Variants in GPD2 observed in about 807,000 individuals in gnomAD.
GPD2 encodes the protein glycerol-3-phosphate dehydrogenase, mitochondrial.
A neutral mutation model predicts 82.4 loss-of-function variants in GPD2; 54 were observed. The observed-to-expected ratio is 0.66, with a 90% CI of 0.53 to 0.82. GPD2 has a LOEUF of 0.82. Ranked by LOEUF, GPD2 falls within the 40% of genes least tolerant of loss-of-function variation. The pLI is 0.00. For synonymous variants in GPD2, 288 were observed against 306.1 expected, an observed-to-expected ratio of 0.94 and a Z score of 0.62; for missense variants, 748 against 896.2, an observed-to-expected ratio of 0.83 and a Z score of 2.11.
the GPD2 span, among the ~76,000 whole-genome samples, chr2:156,403,541 A>G: frequency 2.0e-5 from 3 of 152,086 alleles, no homozygotes; most frequent in Non-Finnish European, 2.9e-5. Flanking sequence ...GGTTAGGTAA[A>G]TTAAAGAACT....
At chr2:156,543,326 T>C (rs914046847) in intron 6 of GPD2, among the ~76,000 whole-genome samples, 3 of 152,312 alleles carry the variant, frequency 2.0e-5, no homozygotes, top group East Asian at 1.9e-4. Context: ...TCATTCATAT[T>C]TGAATATCTG....
intron 6 of GPD2, among the ~76,000 whole-genome samples, chr2:156,540,540 A>G (rs1686268388): frequency 6.6e-6 from 1 of 152,210 alleles, no homozygotes; most frequent in South Asian, 2.1e-4. Flanking sequence ...TTTACTGGCT[A>G]TTTAAGAGGT....
At chr2:156,401,146 T>C in the GPD2 span, among the ~76,000 whole-genome samples, 2 of 152,318 alleles carry the variant, frequency 1.3e-5, no homozygotes, top group East Asian at 1.9e-4. Context: ...AAGTCAAAAC[T>C]TGCATTGGCC....
At chr2:156,500,959 G>C (rs1352641769) in intron 3 of GPD2, among the ~76,000 whole-genome samples, 3 of 152,190 alleles carry the variant, frequency 2.0e-5, no homozygotes, top group Non-Finnish European at 4.4e-5. Flanking sequence ...ACAGAAGCAT[G>C]TCCCAAAAGC....
the GPD2 span, among the ~76,000 whole-genome samples, chr2:156,425,046 C>G: frequency 6.6e-6 from 1 of 151,832 alleles, no homozygotes; most frequent in Non-Finnish European, 1.5e-5. Context: ...AGTTCATATT[C>G]AAATTTCCCC....
chr2:156,548,829 G>A (rs1262956304), intron 6 of GPD2, among the ~76,000 whole-genome samples: 1 of 152,084 alleles, frequency 6.6e-6, no homozygotes, highest in Non-Finnish European at 1.5e-5. Context: ...GCAATGTAGA[G>A]TAATTCTTCC....
intron 6 of GPD2, among the ~76,000 whole-genome samples, chr2:156,548,780 G>A (rs1181288646): frequency 6.6e-6 from 1 of 152,008 alleles, no homozygotes; most frequent in Non-Finnish European, 1.5e-5. Flanking sequence ...ATCTAGCCCT[G>A]GATAATTAAT....
At chr2:156,444,741 T>A (rs1002046525) in intron 1 of GPD2, among the ~76,000 whole-genome samples, 225 of 82,062 alleles carry the variant, frequency 2.7e-3, no homozygotes, top group African/African-American at 6.8e-3. Flanking sequence ...ACACACACAC[T>A]AACATAATTT....
chr2:156,485,042 A>G (rs971889156), intron 2 of GPD2, among the ~76,000 whole-genome samples: 4 of 152,176 alleles, frequency 2.6e-5, no homozygotes, highest in Non-Finnish European at 4.4e-5. Flanking sequence ...GGCTTATTTC[A>G]CTTAGCATAA....
chr2:156,579,176 T>C lies in GPD2; in HGVS notation c.1959+12T>C. The C allele has an allele frequency of 6.7e-7, 1 of 1,501,652 alleles. No homozygotes were observed. Among genetic ancestry groups the C allele is most frequent in the African/African-American group, 1.4e-5 (1 of 72,926 alleles). 93.0% of individuals were successfully genotyped at this position (1,501,652 alleles called of 1,614,324 possible). ...AGCGTGTATTAGAGGTAATTTTCTT[T>C]GGTTGATGTCAGCCTCTGATACTAG... On this transcript the variant is annotated intron_variant, in intron 15 of 16. Coordinates refer to ENST00000438166, the MANE Select transcript of GPD2 (RefSeq NM_000408.5).
intron 6 of GPD2, among the ~76,000 whole-genome samples, chr2:156,537,237 T>G (rs3769358): frequency 6.6e-6 from 1 of 152,104 alleles, no homozygotes; most frequent in South Asian, 2.1e-4. Flanking sequence ...AGGATTGACT[T>G]AGGATTGACT....
At chr2:156,567,700 C>A (rs1171493586) in intron 9 of GPD2, among the ~76,000 whole-genome samples, 1 of 152,094 alleles carries the variant, frequency 6.6e-6, no homozygotes, top group Non-Finnish European at 1.5e-5. Context: ...CTAAGCCATT[C>A]CTGAAGCTGG....
At chr2:156,473,214 T>G (rs1683391062) in intron 1 of GPD2, among the ~76,000 whole-genome samples, 1 of 152,134 alleles carries the variant, frequency 6.6e-6, no homozygotes, top group African/African-American at 2.4e-5. Flanking sequence ...AAAGGAAAAC[T>G]CTTTATTGAT....
At chr2:156,421,690 A>T in the GPD2 span, among the ~76,000 whole-genome samples, 1 of 152,148 alleles carries the variant, frequency 6.6e-6, no homozygotes, top group Admixed American at 6.5e-5. Context: ...TTAGAGTATG[A>T]TGTAAGATCA....
Position 156,510,590 on chromosome 2 carries a change from C to T in GPD2, c.275-206C>T, listed in dbSNP as rs368422439. On this transcript the variant is annotated intron_variant, in intron 3 of 16. Transcript: ENST00000438166. ...TGTGATTCATTCACAGCTTAATATG[C>T]TTCTAGTTCTGGCTTGACTTTTCCC... Among the ~76,000 whole-genome samples, 4 of 152,296 alleles carry T rather than the reference C, an allele frequency of 2.6e-5. No homozygotes were observed. The East Asian group carries it at 5.8e-4, about 22-fold the overall frequency.
the GPD2 span, among the ~76,000 whole-genome samples, chr2:156,414,397 G>A: frequency 1.3e-5 from 2 of 152,182 alleles, no homozygotes; most frequent in African/African-American, 4.8e-5. Flanking sequence ...GATGTGAAGC[G>A]TAAGGGGAGA....
At chr2:156,539,567 T>G (rs1478622108) in intron 6 of GPD2, among the ~76,000 whole-genome samples, 3 of 152,166 alleles carry the variant, frequency 2.0e-5, no homozygotes, top group African/African-American at 7.2e-5. Context: ...AGACTTACCA[T>G]GAAACAGATA....
At chr2:156,527,265 C>T (rs1301868381) in intron 6 of GPD2, among the ~76,000 whole-genome samples, 5 of 151,772 alleles carry the variant, frequency 3.3e-5, no homozygotes, top group South Asian at 2.1e-4. Context: ...AAAAAAAAAA[C>T]TGTGAAAAAA....
chr2:156,418,914 G>A, the GPD2 span, among the ~76,000 whole-genome samples: 1 of 152,096 alleles, frequency 6.6e-6, no homozygotes, highest in East Asian at 1.9e-4. Flanking sequence ...CCTTTAGATG[G>A]ATCTGGATTG....
Sources: allele counts gnomAD v4.1 joint callset (sites outside exome capture counted in the v4.1 genomes callset), GRCh38; gene constraint gnomAD v4.1.1; transcripts MANE v1.5; gene names NCBI Gene and HGNC (gene_info 2026-07-23, HGNC 2026-07-21).